The following PPP3CA variants were observed in gnomAD, a reference collection of about 807,000 sequenced individuals.
PPP3CA encodes the protein protein phosphatase 3 catalytic subunit alpha.
Under a neutral mutation model 66.5 loss-of-function variants are expected in PPP3CA, and 14 were observed. The observed-to-expected ratio is 0.21, with a 90% confidence interval of 0.14 to 0.33. The LOEUF (loss-of-function observed/expected upper bound fraction) is 0.33, where lower values mean the gene tolerates loss of function less well. Ranked by LOEUF, PPP3CA falls within the 10% of genes least tolerant of loss-of-function variation. The pLI, the probability that PPP3CA is intolerant of heterozygous loss-of-function variation, is 1.00. For synonymous variants in PPP3CA, 232 were observed against 226.2 expected (o/e 1.03, Z -0.23); for missense variants, 317 against 639.5 (o/e 0.50, Z 5.44).
chr4:101,208,185 A>G (rs140992606), intron 1 of PPP3CA, among the ~76,000 whole-genome samples: 84 of 152,350 alleles, frequency 5.5e-4, no homozygotes, highest in South Asian at 2.5e-3. Context: ...AACTACTAAC[A>G]GGTTAATATA....
chr4:101,049,465 G>T (rs1244737263), intron 10 of PPP3CA, among the ~76,000 whole-genome samples: 2 of 151,608 alleles, frequency 1.3e-5, no homozygotes, highest in Non-Finnish European at 2.9e-5. Flanking sequence ...AGTAATAACA[G>T]AAAATAAAAA....
At chr4:101,256,646 T>C (rs911550820) in intron 1 of PPP3CA, among the ~76,000 whole-genome samples, 1 of 151,996 alleles carries the variant, frequency 6.6e-6, no homozygotes, top group African/African-American at 2.4e-5. Flanking sequence ...GATATGATGA[T>C]TGCAGAGTTT....
intron 2 of PPP3CA, among the ~76,000 whole-genome samples, chr4:101,162,315 G>A (rs1404867593): frequency 2.0e-5 from 3 of 151,478 alleles, no homozygotes; most frequent in Non-Finnish European, 4.4e-5. Flanking sequence ...GGTGGATCAC[G>A]AGGTCAGGAG....
chr4:101,085,863 G>C (rs1329954042), intron 6 of PPP3CA, among the ~76,000 whole-genome samples: 2 of 151,728 alleles, frequency 1.3e-5, no homozygotes, highest in African/African-American at 2.4e-5. Context: ...CACACAGAGA[G>C]AGAGAGAGAG....
At position 101,099,607 on chromosome 4, in the gene PPP3CA, T is replaced by G; in HGVS notation, c.496+4A>C. 6.5e-7 allele frequency: 1 copy of G among 1,529,552 alleles called. No homozygotes were observed. Among genetic ancestry groups the G allele is most frequent in the Non-Finnish European group, 9.0e-7 (1 of 1,116,724 alleles). The allele number at this position is 1,529,552 out of a possible 1,614,324, so 94.7% of individuals were successfully genotyped here. Reference sequence around the variant, plus strand: ...TTAAAGGAAGGAGGTTGAAGTATACTTACATTCTTGTTTAAATGTGAAATA... The same window carrying G: ...TTAAAGGAAGGAGGTTGAAGTATACGTACATTCTTGTTTAAATGTGAAATA... On this transcript the variant is annotated splice_donor_region_variant and intron_variant, in intron 4 of 13. Transcript: ENST00000394854.
intron 1 of PPP3CA, among the ~76,000 whole-genome samples, chr4:101,212,663 G>A (rs1484828809): frequency 5.3e-5 from 8 of 152,158 alleles, no homozygotes; most frequent in African/African-American, 1.9e-4. Context: ...GCCTAAAGGT[G>A]GTTGTCTAAA....
intron 10 of PPP3CA, among the ~76,000 whole-genome samples, chr4:101,048,521 A>AAG (rs1344857691): frequency 1.0e-5 from 1 of 96,868 alleles, no homozygotes; most frequent in African/African-American, 4.0e-5. Flanking sequence ...AAAAAAAAAA[A>AAG]AAAAAAAAAA....
rs1338107165 is a variant in PPP3CA at position 101,106,405 on chromosome 4, G to GA, written c.384+2548dup. Among the ~76,000 whole-genome samples, 60 of 7,698 alleles carry GA rather than the reference G, an allele frequency of 7.8e-3. 6 individuals carry two copies. Among genetic ancestry groups the GA allele is most frequent in the African/African-American group, 0.021 (57 of 2,662 alleles). 5.1% of individuals were successfully genotyped at this position (7,698 alleles called of 152,430 possible). On this transcript the variant is annotated intron_variant, in intron 3 of 13. Transcript: ENST00000394854. The stretch of plus-strand genomic sequence containing the variant: ...AGAAAGAAAGAAAGAAAGAAAGAAA[G>GA]AAAGAAAGAAAGAAAGAAAGAAAGA...
In PPP3CA at chr4:101,273,936, T is replaced by TA. The variant is rs1280104845; in HGVS notation, c.58+72802dup. ...ACTTAAATTTTATAATTGATTTAAG[T>TA]AAAAAAAAAACTAACAGCTGAAAAA... On this transcript the variant is annotated intron_variant, in intron 1 of 13. Transcript: ENST00000394854. Among the ~76,000 whole-genome samples, 804 of 147,332 alleles carry TA rather than the reference T, an allele frequency of 5.5e-3. 6 individuals are homozygous for TA. Among genetic ancestry groups the TA allele is most frequent in the African/African-American group, 0.018 (716 of 40,230 alleles).
At chr4:101,047,455 T>C (rs1727816824) in intron 10 of PPP3CA, among the ~76,000 whole-genome samples, 1 of 152,210 alleles carries the variant, frequency 6.6e-6, no homozygotes, top group Admixed American at 6.6e-5. Flanking sequence ...ACCAATGGCA[T>C]ATAAATATCA....
At chr4:101,166,725 C>T (rs1201951032) in intron 2 of PPP3CA, among the ~76,000 whole-genome samples, 6 of 152,052 alleles carry the variant, frequency 3.9e-5, no homozygotes, top group Non-Finnish European at 5.9e-5. Context: ...ATTTAAAAGA[C>T]GGATAAAATA....
At chr4:101,062,381 C>A (rs1334439032) in intron 9 of PPP3CA, among the ~76,000 whole-genome samples, 3 of 150,668 alleles carry the variant, frequency 2.0e-5, no homozygotes, top group Non-Finnish European at 4.4e-5. Context: ...GGGAAAACAA[C>A]CATTAGGGTT....
At chr4:101,236,249 G>A (rs1201105001) in intron 1 of PPP3CA, among the ~76,000 whole-genome samples, 2 of 151,678 alleles carry the variant, frequency 1.3e-5, no homozygotes, top group Admixed American at 1.3e-4. Context: ...TGCTGAGGAA[G>A]TAACATTTTG....
chr4:101,247,335 T>C (rs2110240222), intron 1 of PPP3CA, among the ~76,000 whole-genome samples: 1 of 152,196 alleles, frequency 6.6e-6, no homozygotes, highest in Middle Eastern at 3.4e-3. Flanking sequence ...CTAATTTTTG[T>C]ATTTTTGGTA....
At chr4:101,255,566 A>G (rs1327644427) in intron 1 of PPP3CA, among the ~76,000 whole-genome samples, 1 of 151,896 alleles carries the variant, frequency 6.6e-6, no homozygotes, top group Non-Finnish European at 1.5e-5. Context: ...TATTTATCAC[A>G]TTCTTAAAAA....
intron 2 of PPP3CA, among the ~76,000 whole-genome samples, chr4:101,141,790 C>T (rs1368277467): frequency 1.3e-5 from 2 of 152,158 alleles, no homozygotes; most frequent in Non-Finnish European, 2.9e-5. Flanking sequence ...TTCCCAAGAA[C>T]GGAGACTGTT....
chr4:101,212,950 G>C (rs1390830105), intron 1 of PPP3CA, among the ~76,000 whole-genome samples: 1 of 151,998 alleles, frequency 6.6e-6, no homozygotes, highest in East Asian at 1.9e-4. Flanking sequence ...CTATATGTCT[G>C]GTTGGTATCT....
intron 1 of PPP3CA, among the ~76,000 whole-genome samples, chr4:101,228,393 A>C (rs1006803575): frequency 1.3e-5 from 2 of 151,596 alleles, no homozygotes; most frequent in African/African-American, 4.8e-5. Flanking sequence ...ATAGCATATA[A>C]ATTTTTATAT....
chr4:101,049,309 A>T (rs1379622433), intron 10 of PPP3CA, among the ~76,000 whole-genome samples: 2 of 152,090 alleles, frequency 1.3e-5, no homozygotes, highest in Non-Finnish European at 2.9e-5. Context: ...TTTTCAAGAA[A>T]CGGTCACATA....
Sources: allele counts gnomAD v4.1 joint callset (sites outside exome capture counted in the v4.1 genomes callset), GRCh38; gene constraint gnomAD v4.1.1; transcripts MANE v1.5; gene names NCBI Gene and HGNC (gene_info 2026-07-23, HGNC 2026-07-21).